Variants in DNAJC21 observed in about 807,000 individuals in gnomAD.
DNAJC21 encodes DnaJ heat shock protein family (Hsp40) member C21, also known as dnaJ homolog subfamily C member 21.
Under a neutral mutation model 72.4 loss-of-function variants are expected in DNAJC21, and 63 were observed. The ratio of observed to expected loss-of-function variants is 0.87; its 90% CI spans 0.71 to 1.07. DNAJC21 has a LOEUF of 1.07. Ranked by LOEUF, DNAJC21 falls within the 50% of genes least tolerant of loss-of-function variation. DNAJC21 has a pLI of 0.00. For synonymous variants in DNAJC21, 203 were observed against 216.7 expected, an observed-to-expected ratio of 0.94 and a Z score of 0.56; for missense variants, 634 against 644.8, an observed-to-expected ratio of 0.98 and a Z score of 0.18.
At position 34,929,802 on chromosome 5, in the gene DNAJC21, C is replaced by G. The variant is rs1162625199; in HGVS notation, c.-18C>G. ...CCCCGTCCCGGGCCCCAGCGCCGGC[C>G]GCCCGCCCGGTCGGGCGATGAAGTG... On this transcript the variant is annotated 5_prime_UTR_variant, in exon 1 of 12. Coordinates refer to ENST00000648817, the MANE Select transcript of DNAJC21 (RefSeq NM_001012339.3). 7.2e-7 allele frequency: 1 copy of G among 1,390,138 alleles called. No homozygotes were observed. The highest frequency in any genetic ancestry group is 9.5e-7 in the Non-Finnish European group (1 of 1,054,684). 86.1% of individuals were successfully genotyped at this position (1,390,138 alleles called of 1,614,324 possible). A position where few individuals can be genotyped will look rare whatever the true frequency, so the allele number is the denominator to read the frequency against.
At chr5:34,948,737 C>T (rs140355547) in intron 9 of DNAJC21, among the ~76,000 whole-genome samples, 14 of 152,014 alleles carry the variant, frequency 9.2e-5, no homozygotes, top group African/African-American at 3.1e-4. Flanking sequence ...TGGTGCCATG[C>T]GCCTGTAATT....
chr5:34,938,602 A>G (rs1764875795), intron 5 of DNAJC21, among the ~76,000 whole-genome samples: 1 of 152,208 alleles, frequency 6.6e-6, no homozygotes, highest in Non-Finnish European at 1.5e-5. Context: ...AAATCATCTG[A>G]AGACTTTTAA....
chr5:34,949,669 AACAG>A (rs1372866850), intron 9 of DNAJC21: 5 of 1,613,752 alleles, frequency 3.1e-6, no homozygotes, highest in East Asian at 2.2e-5. Flanking sequence ...GTTGCTTGAA[AACAG>A]ACAGGTACGC....
In DNAJC21 at chr5:34,958,337, G is replaced by A. The variant is rs1440165821; in HGVS notation, c.*3623G>A. ...ATAAAGAGCCCAGAAACAGGTCCAT[G>A]TTTATATGGGAACTTGATTTTTGAC... On this transcript the variant is annotated 3_prime_UTR_variant, in exon 12 of 12. Transcript: ENST00000648817. 6.6e-6 allele frequency: 1 copy of A among 152,154 alleles called. No individual in the cohort carries two copies. The highest frequency in any genetic ancestry group is 6.5e-5 in the Admixed American group (1 of 15,276). 9.4% of individuals were successfully genotyped at this position (152,154 alleles called of 1,614,324 possible). A position where few individuals can be genotyped will look rare whatever the true frequency, so the allele number is the denominator to read the frequency against.
intron 1 of DNAJC21, among the ~76,000 whole-genome samples, chr5:34,932,980 C>T (rs1404740636): frequency 6.6e-6 from 1 of 152,206 alleles, no homozygotes; most frequent in East Asian, 1.9e-4. Context: ...TGCCAGGAGG[C>T]GGGGTGCTGT....
chr5:34,939,081 C>T, intron 6 of DNAJC21, 72 bp downstream of exon 6: 3 of 1,337,948 alleles, frequency 2.2e-6, no homozygotes, highest in Admixed American at 2.7e-5. Context: ...GCTTATTTGA[C>T]ATCTCCCAAT....
intron 9 of DNAJC21, among the ~76,000 whole-genome samples, chr5:34,948,808 T>G (rs918438491): frequency 3.3e-5 from 5 of 151,464 alleles, no homozygotes; most frequent in Non-Finnish European, 7.4e-5. Flanking sequence ...GAGGTTGCAG[T>G]GAGCTGAGAT....
rs1765493785 is a variant in DNAJC21, at chr5:34,954,956, A to G, written c.*242A>G. On this transcript the variant is annotated 3_prime_UTR_variant, in exon 12 of 12. Transcript: ENST00000648817. ...ATGTCTTAAAACAGGTAAATACTGTAAAGTGTGTATTCTTGATGTTTATTG... is the reference window on the plus strand; with the variant it reads ...ATGTCTTAAAACAGGTAAATACTGTGAAGTGTGTATTCTTGATGTTTATTG... 3.1e-6 allele frequency: 1 copy of G among 327,472 alleles called. No homozygotes were observed. Among genetic ancestry groups the G allele is most frequent in the Non-Finnish European group, 5.4e-6 (1 of 183,616 alleles). 20.3% of individuals were successfully genotyped at this position (327,472 alleles called of 1,614,324 possible).
At position 34,930,060 on chromosome 5, in the gene DNAJC21, G is replaced by C. The variant is rs865889196; in HGVS notation, c.97+144G>C. On this transcript the variant is annotated intron_variant, in intron 1 of 11. Transcript: ENST00000648817. ...TCCTTGCCCCGCCCGGCCAGTGCCCGGAGCCGCCCTGCCCGTCTCGGTGGG... is the reference window on the plus strand; with the variant it reads ...TCCTTGCCCCGCCCGGCCAGTGCCCCGAGCCGCCCTGCCCGTCTCGGTGGG... The C allele has an allele frequency of 5.6e-6, 3 of 536,702 alleles. No individual in the cohort carries two copies. The South Asian group carries it at 9.9e-5, about 18-fold the overall frequency. The allele number at this position is 536,702 out of a possible 1,614,324, so 33.2% of individuals were successfully genotyped here. A position where few individuals can be genotyped will look rare whatever the true frequency, so the allele number is the denominator to read the frequency against.
At position 34,953,143 on chromosome 5, in the gene DNAJC21, C is replaced by G. The variant is rs142229948; in HGVS notation, c.1359-783C>G. 6.3e-3 allele frequency among the ~76,000 whole-genome samples: 961 copies of G among 151,898 alleles called. 8 individuals are homozygous for G. The highest frequency in any genetic ancestry group is 9.8e-3 in the Non-Finnish European group (669 of 67,938). On this transcript the variant is annotated intron_variant, in intron 10 of 11. Transcript: ENST00000648817. ...CGAGCCTGGGTGACAGAGTGAGACT[C>G]CATCTCAAAAAAAAAGTTAATGTTT...
chr5:34,951,257 T>C (rs1028802819), intron 10 of DNAJC21: 7 of 985,408 alleles, frequency 7.1e-6, no homozygotes, highest in Admixed American at 6.1e-5. Context: ...AAAGGGAAAT[T>C]CACATGTATT....
At chr5:34,951,292 C>A in intron 10 of DNAJC21, 3 of 985,426 alleles carry the variant, frequency 3.0e-6, no homozygotes, top group Non-Finnish European at 2.4e-6. Flanking sequence ...GGTGTTTGTT[C>A]CCTTTCTACA....
chr5:34,936,426 C>A (rs1764779767), intron 4 of DNAJC21, among the ~76,000 whole-genome samples, 160 bp downstream of exon 4: 1 of 152,186 alleles, frequency 6.6e-6, no homozygotes, highest in Non-Finnish European at 1.5e-5. Context: ...TTAAGCAATC[C>A]TCCTACCTCA....
chr5:34,929,914 C>G lies in DNAJC21; in HGVS notation c.95C>G (p.Pro32Arg). The change falls in exon 1 of 12, where the codon CCG (proline) becomes CGG (arginine). Residue 32 changes from proline (P) to arginine (R), a missense_variant and splice_region_variant. Coordinates refer to ENST00000648817, the MANE Select transcript of DNAJC21 (RefSeq NM_001012339.3). Reference sequence around the variant, plus strand: ...CGGAAGCTGGCCCTGAAATGGCACCCGGGTAAGTACCTGTCCCGCAGCCCC... The same window carrying G: ...CGGAAGCTGGCCCTGAAATGGCACCGGGGTAAGTACCTGTCCCGCAGCCCC... ...AYRKLALKWHPDKNLDNAAEA... is the reference protein window; with the variant it reads ...AYRKLALKWHRDKNLDNAAEA... The G allele has an allele frequency of 6.3e-7, 1 of 1,577,008 alleles. No individual in the cohort carries two copies. The highest frequency in any genetic ancestry group is 8.6e-7 in the Non-Finnish European group (1 of 1,161,858).
intron 5 of DNAJC21, among the ~76,000 whole-genome samples, chr5:34,938,277 C>T (rs1764863511): frequency 6.6e-6 from 1 of 152,210 alleles, no homozygotes. Context: ...TACTTATCCT[C>T]CTTGTTCTTC....
chr5:34,944,705 A>G (rs369900777), intron 7 of DNAJC21, among the ~76,000 whole-genome samples, 162 bp from the exon 8 acceptor site: 7 of 152,132 alleles, frequency 4.6e-5, no homozygotes, highest in Non-Finnish European at 1.0e-4. Context: ...CTCTGTATAA[A>G]ATCATGAACA....
Position 34,944,939 on chromosome 5 carries a change from A to G in DNAJC21, c.1056A>G (p.Glu352=), listed in dbSNP as rs1561188266. ...VALLKQQLEE[E]EENFSRPQID... is the part of the protein sequence containing the mutation. The stretch of plus-strand genomic sequence containing the variant: ...TGCTAAAACAACAGCTGGAGGAGGA[A>G]GAAGAAAATTTTTCAAGACCTCAAA... Residue 352 remains glutamate (E), a synonymous_variant, in exon 8 of 12, where the codon GAA becomes GAG. Transcript: ENST00000648817. The G allele has an allele frequency of 6.2e-7, 1 of 1,614,208 alleles. No homozygotes were observed. The highest frequency in any genetic ancestry group is 8.5e-7 in the Non-Finnish European group (1 of 1,180,032).
chr5:34,950,649 T>TTGACACTC (rs1765332720), intron 10 of DNAJC21: 1 of 1,024,478 alleles, frequency 9.8e-7, no homozygotes, highest in Non-Finnish European at 1.2e-6. Context: ...TCATTAACAC[T>TTGACACTC]TGACACTCAC....
intron 1 of DNAJC21, chr5:34,930,356 C>T (rs930146860): frequency 6.5e-6 from 1 of 153,394 alleles, no homozygotes; most frequent in Non-Finnish European, 1.5e-5. Flanking sequence ...GATACTTCAA[C>T]CTGATGTATG....
Sources: gnomAD v4.1 joint callset for allele counts (sites outside exome capture counted in the v4.1 genomes callset) on GRCh38, gnomAD v4.1.1 for gene constraint, MANE v1.5 for transcripts, NCBI Gene and HGNC (gene_info 2026-07-23, HGNC 2026-07-21) for gene names.